SLX4IP: variants seen among roughly 807,000 people sequenced by gnomAD.
SLX4IP encodes SLX4 interacting protein.
SLX4IP carries 34 observed loss-of-function variants against 32.9 expected under a neutral mutation model. The observed-to-expected ratio is 1.03, with a 90% CI of 0.79 to 1.38. The LOEUF (loss-of-function observed/expected upper bound fraction) is 1.38. SLX4IP is among the 40% of genes most tolerant of loss of function. SLX4IP has a pLI of 0.00. For missense variants in SLX4IP, 444 were observed against 479.0 expected (o/e 0.93, Z 0.68); for synonymous variants, 172 against 171.7 (o/e 1.00, Z -0.01).
At chr20:10,470,413 T>C (rs1257520834) in intron 2 of SLX4IP, among the ~76,000 whole-genome samples, 1 of 152,170 alleles carries the variant, frequency 6.6e-6, no homozygotes. Flanking sequence ...GTTTGCTAAT[T>C]GTGCTTTGAG....
chr20:10,441,399 T>G (rs2062247908), intron 1 of SLX4IP, among the ~76,000 whole-genome samples: 1 of 152,162 alleles, frequency 6.6e-6, no homozygotes, highest in Non-Finnish European at 1.5e-5. Flanking sequence ...ATCACGCCAC[T>G]GCACTGCAGC....
At position 10,477,484 on chromosome 20, in the gene SLX4IP, C is replaced by G. The variant is rs552144424; in HGVS notation, c.27+19253C>G. On this transcript the variant is annotated intron_variant, in intron 2 of 7. Coordinates refer to ENST00000334534, the MANE Select transcript of SLX4IP (RefSeq NM_001009608.3). ...GTTTAACCATGTTAGCCAGGCTGGT[C>G]TTGAACTCCTGACCTCAGGTGATCC... is the stretch of plus-strand genomic sequence containing the variant. Among the ~76,000 whole-genome samples, 60 of 152,248 alleles carry G rather than the reference C, an allele frequency of 3.9e-4. 1 individual carries two copies. In the South Asian group the frequency reaches 0.012, roughly 29 times the overall value.
At chr20:10,614,569 T>A (rs893260229) in intron 6 of SLX4IP, among the ~76,000 whole-genome samples, 1 of 152,146 alleles carries the variant, frequency 6.6e-6, no homozygotes, top group African/African-American at 2.4e-5. Flanking sequence ...CAACCTCAGC[T>A]AATATTAATG....
chr20:10,620,463 G>A (rs942376624), intron 6 of SLX4IP, among the ~76,000 whole-genome samples: 6 of 152,100 alleles, frequency 3.9e-5, no homozygotes, highest in South Asian at 2.1e-4. Context: ...AAAAAGTCCC[G>A]AATTTTTTGG....
chr20:10,456,659 G>GA (rs2065288411), intron 1 of SLX4IP, among the ~76,000 whole-genome samples: 1 of 152,180 alleles, frequency 6.6e-6, no homozygotes, highest in Non-Finnish European at 1.5e-5. Context: ...CTTTTAAATT[G>GA]AGAAGGCTGA....
chr20:10,617,241 A>G (rs1295641323), intron 6 of SLX4IP, among the ~76,000 whole-genome samples: 1 of 152,184 alleles, frequency 6.6e-6, no homozygotes, highest in African/African-American at 2.4e-5. Flanking sequence ...TTTTATGTAT[A>G]TCGGCAGTTT....
intron 2 of SLX4IP, among the ~76,000 whole-genome samples, chr20:10,548,440 C>T (rs1268240994): frequency 6.6e-6 from 1 of 152,142 alleles, no homozygotes; most frequent in Non-Finnish European, 1.5e-5. Flanking sequence ...GGGGTTTCAC[C>T]ATGTTAGCCA....
intron 2 of SLX4IP, among the ~76,000 whole-genome samples, chr20:10,478,641 G>A (rs1212303313): frequency 2.0e-5 from 3 of 152,094 alleles, no homozygotes; most frequent in African/African-American, 7.2e-5. Flanking sequence ...CTCTTGGGAG[G>A]TAGGCAGCAC....
chr20:10,491,043 GT>G (rs1206304000), intron 2 of SLX4IP, among the ~76,000 whole-genome samples: 1 of 150,810 alleles, frequency 6.6e-6, no homozygotes, highest in Non-Finnish European at 1.5e-5. Context: ...GAGTGGTTTT[GT>G]CACGTTGCTG....
In SLX4IP at chr20:10,622,774, G is replaced by A; in HGVS notation, c.622G>A (p.Gly208Ser). Residue 208 changes from glycine (G) to serine (S), a missense_variant, in exon 8 of 8, where the codon GGT becomes AGT. Physicochemically the swap from Gly to Ser is moderately conservative, Grantham distance 56. Transcript: ENST00000334534. ...AGAGATAGCAAGGAGGAGGAATGAT[G>A]GTCAGGCTTCCTCCAGTCCCCCATC... is the stretch of plus-strand genomic sequence containing the variant. ...IAEIARRRND[G>S]QASSSPPSES... 6.2e-7 allele frequency: 1 copy of A among 1,614,194 alleles called. No homozygotes were observed. Among genetic ancestry groups the A allele is most frequent in the Non-Finnish European group, 8.5e-7 (1 of 1,180,028 alleles).
rs1568785819 is a variant in SLX4IP, at chr20:10,627,560, A to G, written c.*4181A>G. ...TATTTATTTACAAGACAGGGAACAAATATGTGTCAATGTGCAGCTTAACAG... is the reference window on the plus strand; with the variant it reads ...TATTTATTTACAAGACAGGGAACAAGTATGTGTCAATGTGCAGCTTAACAG... On this transcript the variant is annotated 3_prime_UTR_variant, in exon 8 of 8. Transcript: ENST00000334534. The G allele has an allele frequency of 6.6e-6, 1 of 152,226 alleles. No homozygotes were observed. The highest frequency in any genetic ancestry group is 1.5e-5 in the Non-Finnish European group (1 of 68,038). 9.4% of individuals were successfully genotyped at this position (152,226 alleles called of 1,614,324 possible).
intron 6 of SLX4IP, among the ~76,000 whole-genome samples, chr20:10,614,627 C>T (rs1169689382): frequency 6.6e-6 from 1 of 152,154 alleles, no homozygotes; most frequent in Non-Finnish European, 1.5e-5. Flanking sequence ...CAAGTCACTC[C>T]CAACATAGGC....
rs1218388522 is a variant in SLX4IP at position 10,493,245 on chromosome 20, G to A, written c.27+35014G>A. Among the ~76,000 whole-genome samples the A allele has an allele frequency of 1.3e-5, 2 of 152,186 alleles. 1 individual carries two copies. Among genetic ancestry groups the A allele is most frequent in the East Asian group, 3.8e-4 (2 of 5,198 alleles). On this transcript the variant is annotated intron_variant, in intron 2 of 7. Coordinates refer to ENST00000334534, the MANE Select transcript of SLX4IP (RefSeq NM_001009608.3). ...ATTGAGTTCGTAGATTAATTGGGGAGCATTGCAGTCTTATGATTCTGAGTC... is the reference window on the plus strand; with the variant it reads ...ATTGAGTTCGTAGATTAATTGGGGAACATTGCAGTCTTATGATTCTGAGTC...
Position 10,601,753 on chromosome 20 carries a change from AT to A in SLX4IP, c.342del (p.Phe114LeufsTer15). The A allele has an allele frequency of 1.2e-6, 2 of 1,613,992 alleles. No homozygotes were observed. Among genetic ancestry groups the A allele is most frequent in the South Asian group, 1.1e-5 (1 of 91,072 alleles). ...CAGAACTCTGTGTATTCCCTGACAGATTTGTGGTTTGTGTCAGTCAGCTTGC... is the reference window on the plus strand; with the variant it reads ...CAGAACTCTGTGTATTCCCTGACAGATTGTGGTTTGTGTCAGTCAGCTTGC... ...NAELCVFPDR[F>X]VVCVSQLAFS... On this transcript the variant is annotated frameshift_variant, in exon 6 of 8. Coordinates refer to ENST00000334534, the MANE Select transcript of SLX4IP (RefSeq NM_001009608.3). LOFTEE classifies it high-confidence loss of function.
At chr20:10,442,005 G>T (rs2065163528) in intron 1 of SLX4IP, among the ~76,000 whole-genome samples, 1 of 152,184 alleles carries the variant, frequency 6.6e-6, no homozygotes, top group Admixed American at 6.5e-5. Flanking sequence ...AACTTCAGAA[G>T]TTCTAGGGCT....
intron 1 of SLX4IP, among the ~76,000 whole-genome samples, chr20:10,447,025 G>A (rs570229255): frequency 1.3e-5 from 2 of 152,198 alleles, no homozygotes; most frequent in South Asian, 4.1e-4. Flanking sequence ...TCCTCTGAAA[G>A]GTTTTAGTTT....
rs541755549 is a variant in SLX4IP at position 10,523,886 on chromosome 20, T to A, written c.28-32345T>A. Among the ~76,000 whole-genome samples the A allele has an allele frequency of 5.2e-5, 8 of 152,382 alleles. No homozygotes were observed. The South Asian group carries it at 1.7e-3, about 32-fold the overall frequency. ...CTTATTTGAGTCTATTAAATTCATT[T>A]TTTTAAGGATGTGAGACAGTAGGTG... On this transcript the variant is annotated intron_variant, in intron 2 of 7. Transcript: ENST00000334534.
chr20:10,549,253 AC>A (rs1426526411), intron 2 of SLX4IP, among the ~76,000 whole-genome samples: 1 of 150,972 alleles, frequency 6.6e-6, no homozygotes, highest in Non-Finnish European at 1.5e-5. Context: ...TTCCCTAACC[AC>A]CCCTCCCACC....
At chr20:10,475,366 G>A (rs1023795934) in intron 2 of SLX4IP, among the ~76,000 whole-genome samples, 48 of 152,338 alleles carry the variant, frequency 3.2e-4, no homozygotes, top group African/African-American at 1.1e-3. Flanking sequence ...GCTTAGACTA[G>A]CGTAACTGCT....
Sources: allele counts gnomAD v4.1 joint callset (sites outside exome capture counted in the v4.1 genomes callset), GRCh38; gene constraint gnomAD v4.1.1; transcripts MANE v1.5; gene names NCBI Gene and HGNC (gene_info 2026-07-23, HGNC 2026-07-21).